Variants in GMDS observed in about 807,000 individuals in gnomAD.
The protein encoded by GMDS is GDP-mannose 4,6-dehydratase.
In GMDS, 20 loss-of-function variants were observed where a neutral mutation model predicts 49.9. The observed-to-expected ratio is 0.40, with a 90% CI of 0.28 to 0.58. GMDS has a LOEUF of 0.58. Among genes scored for constraint, GMDS ranks in the 20% least tolerant of loss-of-function variants. The probability of loss-of-function intolerance (pLI) is 0.42; values close to 1 mark genes in which losing one functional copy is unlikely to be tolerated. For missense variants in GMDS, 362 were observed against 481.4 expected (o/e 0.75, Z 2.32); for synonymous variants, 177 against 178.6 (o/e 0.99, Z 0.07).
rs541509976 is a variant in GMDS at position 2,121,564 on chromosome 6, T to G, written c.147+3123A>C. Among the ~76,000 whole-genome samples, 17 of 152,296 alleles carry G rather than the reference T, an allele frequency of 1.1e-4. 1 individual carries two copies. In the East Asian group the frequency reaches 3.1e-3, roughly 28 times the overall value. ...GATGTGTGGATTTCAGTGGCCACAT[T>G]TGATGGCAAGGCCCCACGGCTTCAG... On this transcript the variant is annotated intron_variant, in intron 2 of 10. Coordinates refer to ENST00000380815, the MANE Select transcript of GMDS (RefSeq NM_001500.4).
At chr6:1,892,423 G>A (rs1301404015) in intron 7 of GMDS, among the ~76,000 whole-genome samples, 1 of 152,118 alleles carries the variant, frequency 6.6e-6, no homozygotes, top group East Asian at 1.9e-4. Context: ...GCAGTGGTAT[G>A]ATCTTGGCTC....
At chr6:1,983,529 G>GA (rs1424965069) in intron 4 of GMDS, among the ~76,000 whole-genome samples, 1 of 151,266 alleles carries the variant, frequency 6.6e-6, no homozygotes, top group African/African-American at 2.4e-5. Flanking sequence ...AAATCTACAA[G>GA]AAAAAAATAA....
intron 4 of GMDS, among the ~76,000 whole-genome samples, chr6:2,048,628 T>C (rs868390682): frequency 6.0e-4 from 92 of 152,334 alleles, no homozygotes; most frequent in African/African-American, 2.2e-3. Context: ...GGGAGCTACA[T>C]ATTAGTGATA....
At chr6:1,876,433 C>T (rs760509561) in intron 7 of GMDS, among the ~76,000 whole-genome samples, 8 of 152,140 alleles carry the variant, frequency 5.3e-5, no homozygotes, top group Non-Finnish European at 8.8e-5. Flanking sequence ...GATATAATAA[C>T]TAGGCTCTGA....
At chr6:1,654,790 T>C (rs771475254) in intron 9 of GMDS, among the ~76,000 whole-genome samples, 10 of 152,076 alleles carry the variant, frequency 6.6e-5, no homozygotes, top group Non-Finnish European at 1.2e-4. Flanking sequence ...GGGCCAGGCA[T>C]GGTGGCACAA....
chr6:1,935,165 A>G (rs1425666030), intron 6 of GMDS, among the ~76,000 whole-genome samples: 3 of 152,238 alleles, frequency 2.0e-5, no homozygotes, highest in Admixed American at 1.3e-4. Flanking sequence ...ATGGAGGGAA[A>G]GCCAGCTCTG....
At chr6:2,088,726 A>C (rs1308602357) in intron 4 of GMDS, among the ~76,000 whole-genome samples, 1 of 151,862 alleles carries the variant, frequency 6.6e-6, no homozygotes. Context: ...GCCTCATGTC[A>C]TGCCCTAAGC....
At position 1,778,219 on chromosome 6, in the gene GMDS, A is replaced by G. The variant is rs903747918; in HGVS notation, c.772-35633T>C. The stretch of plus-strand genomic sequence containing the variant: ...TGGGTCTCATTTTGCTGGGATGACT[A>G]TTTATATGACAGGTAAGGGAATAAC... On this transcript the variant is annotated intron_variant, in intron 7 of 10. Coordinates refer to ENST00000380815, the MANE Select transcript of GMDS (RefSeq NM_001500.4). The surrounding 1 kb of genome is among the most constrained non-coding windows in gnomAD (Gnocchi z 4.6). 1.3e-5 allele frequency among the ~76,000 whole-genome samples: 2 copies of G among 152,096 alleles called. No individual in the cohort carries two copies. Among genetic ancestry groups the G allele is most frequent in the South Asian group, 2.1e-4 (1 of 4,828 alleles).
At chr6:1,807,114 C>A (rs1355432541) in intron 7 of GMDS, among the ~76,000 whole-genome samples, 1 of 152,010 alleles carries the variant, frequency 6.6e-6, no homozygotes, top group Admixed American at 6.6e-5. Flanking sequence ...GCAATCAGGG[C>A]TCACCGCAGC....
Position 1,657,190 on chromosome 6 carries a change from C to T in GMDS, c.988-32650G>A, listed in dbSNP as rs564905865. ...TTGATGCCACTAGACTACTGACAAG[C>T]ATGAAGTCCCTGACGATGTGTCATG... On this transcript the variant is annotated intron_variant, in intron 9 of 10. Transcript: ENST00000380815. Among the ~76,000 whole-genome samples the T allele has an allele frequency of 2.0e-5, 3 of 152,356 alleles. No homozygotes were observed. In the South Asian group the frequency reaches 6.2e-4, roughly 32 times the overall value.
chr6:2,195,784 C>A (rs1210323697), intron 1 of GMDS, among the ~76,000 whole-genome samples: 11 of 149,982 alleles, frequency 7.3e-5, no homozygotes, highest in African/African-American at 2.7e-4. Context: ...GAGTTTGAAA[C>A]CACCCTGGGC....
At chr6:1,754,872 C>T (rs532277610) in intron 7 of GMDS, among the ~76,000 whole-genome samples, 5 of 152,256 alleles carry the variant, frequency 3.3e-5, no homozygotes, top group African/African-American at 1.2e-4. Flanking sequence ...ACTGATTGAA[C>T]GTATCTCAAA....
At chr6:2,117,411 A>G (rs1026974764) in intron 3 of GMDS, 58 bp downstream of exon 3, 2 of 989,946 alleles carry the variant, frequency 2.0e-6, no homozygotes, top group Admixed American at 1.7e-5. Context: ...TTATCTGAAC[A>G]TAGGAACATC....
intron 8 of GMDS, among the ~76,000 whole-genome samples, chr6:1,730,503 T>G (rs73405582): frequency 0.058 from 8,807 of 152,204 alleles, 651 homozygotes; most frequent in African/African-American, 0.17. Flanking sequence ...TGGGGCCTGA[T>G]TCCCTCCCCG....
At chr6:1,746,296 G>A (rs1767493866) in intron 7 of GMDS, among the ~76,000 whole-genome samples, 2 of 152,214 alleles carry the variant, frequency 1.3e-5, no homozygotes, top group Non-Finnish European at 2.9e-5. Context: ...CTTTGAGGAT[G>A]TGACTGACTT....
rs756816255 is a variant in GMDS at position 1,742,520 on chromosome 6, T to C, written c.838A>G (p.Ser280Gly). ...DFVIATGEVH[S>G]VREFVEKSFL... ...GATTTCTCGACAAATTCCCGGACAC[T>C]ATGGACCTCCCCAGTAGCTATAACG... The change falls in exon 8 of 11, where the codon AGT (serine) becomes GGT (glycine). Residue 280 changes from serine to glycine, a missense_variant. Coordinates refer to ENST00000380815, the MANE Select transcript of GMDS (RefSeq NM_001500.4). The C allele has an allele frequency of 6.2e-7, 1 of 1,612,414 alleles. No homozygotes were observed. Among genetic ancestry groups the C allele is most frequent in the South Asian group, 1.1e-5 (1 of 91,044 alleles).
intron 9 of GMDS, among the ~76,000 whole-genome samples, chr6:1,654,376 T>C (rs1014451244): frequency 2.0e-5 from 3 of 152,212 alleles, no homozygotes; most frequent in African/African-American, 4.8e-5. Context: ...CGTTGACAGA[T>C]TAATGAATCG....
rs1776422545 is a variant in GMDS at position 2,143,801 on chromosome 6, C to G, written c.103-19070G>C. 2.0e-5 allele frequency among the ~76,000 whole-genome samples: 3 copies of G among 152,306 alleles called. No homozygotes were observed. The South Asian group carries it at 6.2e-4, about 32-fold the overall frequency. ...CCTTTTTAGTAAAGGAATCAAGGCT[C>G]TTCATTTAACTATCACCTCCATTGT... On this transcript the variant is annotated intron_variant, in intron 1 of 10. Transcript: ENST00000380815.
intron 4 of GMDS, among the ~76,000 whole-genome samples, chr6:2,040,338 T>C (rs1407090454): frequency 1.3e-5 from 2 of 152,216 alleles, no homozygotes; most frequent in Admixed American, 1.3e-4. Context: ...TAAATTTGGC[T>C]TAAACCCTGT....
Sources: gnomAD v4.1 joint callset for allele counts (sites outside exome capture counted in the v4.1 genomes callset) on GRCh38, gnomAD v4.1.1 for gene constraint, Gnocchi (gnomAD v3.1) non-coding constraint, MANE v1.5 for transcripts, NCBI Gene and HGNC (gene_info 2026-07-23, HGNC 2026-07-21) for gene names.